VANGL1: variants seen among roughly 807,000 people sequenced by gnomAD.
VANGL1 encodes VANGL planar cell polarity protein 1.
VANGL1 carries 18 observed loss-of-function variants against 48.4 expected under a neutral mutation model. That is an observed-to-expected ratio of 0.37 (90% CI 0.26 to 0.55). The LOEUF (loss-of-function observed/expected upper bound fraction) is 0.55, where lower values mean the gene tolerates loss of function less well. Ranked by LOEUF, VANGL1 falls within the 20% of genes least tolerant of loss-of-function variation. The pLI is 0.81. For missense variants in VANGL1, 667 were observed against 675.8 expected, an observed-to-expected ratio of 0.99 and a Z score of 0.14; for synonymous variants, 257 against 261.8, an observed-to-expected ratio of 0.98 and a Z score of 0.18.
rs185427765 is a variant in VANGL1 at position 115,675,714 on chromosome 1, C to G, written c.813-6650C>G. ...TTTGAGGCAGGAGAATTGCTCGGACCTGGGAGACAGAGGTTGCAGTGAGCT... is the reference window on the plus strand; with the variant it reads ...TTTGAGGCAGGAGAATTGCTCGGACGTGGGAGACAGAGGTTGCAGTGAGCT... On this transcript the variant is annotated intron_variant, in intron 4 of 7. Transcript: ENST00000355485. Among the ~76,000 whole-genome samples the G allele has an allele frequency of 2.5e-3, 378 of 152,288 alleles. 2 individuals are homozygous for G. The highest frequency in any genetic ancestry group is 8.3e-3 in the African/African-American group (346 of 41,558).
At chr1:115,666,292 T>C (rs1394921260) in intron 4 of VANGL1, among the ~76,000 whole-genome samples, 1 of 152,130 alleles carries the variant, frequency 6.6e-6, no homozygotes, top group Non-Finnish European at 1.5e-5. Flanking sequence ...TGGGACCGAC[T>C]TACCCCCATG....
intron 2 of VANGL1, among the ~76,000 whole-genome samples, chr1:115,657,332 G>A (rs1392328432): frequency 6.6e-6 from 1 of 152,156 alleles, no homozygotes; most frequent in South Asian, 2.1e-4. Flanking sequence ...TCAACACGGT[G>A]CACCATAGTA....
Position 115,693,154 on chromosome 1 carries a change from A to G in VANGL1, c.*1775A>G, listed in dbSNP as rs1284382920. The G allele has an allele frequency of 6.6e-6, 1 of 152,586 alleles. No homozygotes were observed. Among genetic ancestry groups the G allele is most frequent in the African/African-American group, 2.4e-5 (1 of 41,438 alleles). The allele number at this position is 152,586 out of a possible 1,614,324, so 9.5% of individuals were successfully genotyped here. ...TGGAGCCAAGATGTACTATTCAACT[A>G]TGTGTTTCTGTTTATAAAAAACACA... is the stretch of plus-strand genomic sequence containing the variant. On this transcript the variant is annotated 3_prime_UTR_variant, in exon 8 of 8. Transcript: ENST00000355485.
rs187903673 is a variant in VANGL1, at chr1:115,682,597, A to G, written c.946+100A>G. 3.9e-4 allele frequency: 607 copies of G among 1,547,802 alleles called. 3 individuals carry two copies. The African/African-American group carries it at 6.8e-3, about 17-fold the overall frequency. On this transcript the variant is annotated intron_variant, in intron 5 of 7. Transcript: ENST00000355485. ...TTGGTTCGACTTCTTCTCTGGGCCT[A>G]CCTTTATGGTACATTCTTGTTTCAG... is the stretch of plus-strand genomic sequence containing the variant.
At position 115,698,061 on chromosome 1, in the gene VANGL1, G is replaced by A. The variant is rs1654092462; in HGVS notation, c.*6682G>A. Reference sequence around the variant, plus strand: ...TCTTCTCATTGTGATGTCAGTAACAGAGTTAGTGTCTCTGATGGAATAGTG... The same window carrying A: ...TCTTCTCATTGTGATGTCAGTAACAAAGTTAGTGTCTCTGATGGAATAGTG... On this transcript the variant is annotated 3_prime_UTR_variant, in exon 8 of 8. Transcript: ENST00000355485. The A allele has an allele frequency of 6.6e-6, 1 of 152,220 alleles. No individual in the cohort carries two copies. The highest frequency in any genetic ancestry group is 2.4e-5 in the African/African-American group (1 of 41,458). The allele number at this position is 152,220 out of a possible 1,614,324, so 9.4% of individuals were successfully genotyped here.
chr1:115,663,226 C>T (rs1383668303), intron 3 of VANGL1, among the ~76,000 whole-genome samples: 5 of 152,176 alleles, frequency 3.3e-5, no homozygotes, highest in Non-Finnish European at 5.9e-5. Flanking sequence ...AGTTGGACTT[C>T]GTAAGCCTTT....
intron 5 of VANGL1, 99 bp downstream of exon 5, chr1:115,682,596 T>A: frequency 6.5e-7 from 1 of 1,529,742 alleles, no homozygotes; most frequent in South Asian, 1.1e-5. Context: ...TCTCTGGGCC[T>A]ACCTTTATGG....
intron 7 of VANGL1, among the ~76,000 whole-genome samples, chr1:115,688,891 A>G (rs1336080986): frequency 2.3e-5 from 3 of 132,288 alleles, no homozygotes; most frequent in East Asian, 2.1e-4. Context: ...CCGGGTTCAC[A>G]CCATTCTCCT....
intron 4 of VANGL1, among the ~76,000 whole-genome samples, chr1:115,678,750 G>A (rs980712675): frequency 6.6e-6 from 1 of 152,040 alleles, no homozygotes; most frequent in African/African-American, 2.4e-5. Flanking sequence ...GAGCTCAGGA[G>A]TTCAAGACCA....
At chr1:115,685,133 C>A (rs903174628) in intron 6 of VANGL1, among the ~76,000 whole-genome samples, 160 bp from the exon 7 acceptor site, 1 of 152,190 alleles carries the variant, frequency 6.6e-6, no homozygotes, top group Admixed American at 6.5e-5. Context: ...CTCCCTTCCT[C>A]CCTCTCCACT....
intron 2 of VANGL1, among the ~76,000 whole-genome samples, chr1:115,651,753 A>G (rs1652154334): frequency 6.6e-6 from 1 of 151,572 alleles, no homozygotes; most frequent in African/African-American, 2.4e-5. Context: ...TTTCATTTCT[A>G]GGTATTTCTT....
At chr1:115,649,780 TCTAC>T (rs1214290582) in intron 1 of VANGL1, among the ~76,000 whole-genome samples, 1 of 152,234 alleles carries the variant, frequency 6.6e-6, no homozygotes. Flanking sequence ...TATTTTCAGA[TCTAC>T]CTGTGAGGTC....
At chr1:115,653,924 CTA>C (rs1162079955) in intron 2 of VANGL1, among the ~76,000 whole-genome samples, 2 of 152,134 alleles carry the variant, frequency 1.3e-5, no homozygotes, top group African/African-American at 4.8e-5. Flanking sequence ...CCACTACCAC[CTA>C]CGGGTGGTGG....
chr1:115,652,599 T>C lies in VANGL1; in HGVS notation c.71+1115T>C, dbSNP rs149102832. ...TAATGGCCTTGGCATTTCAGCACTA[T>C]GTTCCAAGGTATCAACTGGCCCCAG... On this transcript the variant is annotated intron_variant, in intron 2 of 7. Coordinates refer to ENST00000355485, the MANE Select transcript of VANGL1 (RefSeq NM_138959.3). Among the ~76,000 whole-genome samples the C allele has an allele frequency of 8.7e-3, 1,326 of 152,344 alleles. 25 individuals are homozygous for C. The highest frequency in any genetic ancestry group is 0.03 in the African/African-American group (1,267 of 41,570).
intron 4 of VANGL1, among the ~76,000 whole-genome samples, chr1:115,666,771 G>A (rs1043932428): frequency 6.6e-6 from 1 of 152,162 alleles, no homozygotes; most frequent in Non-Finnish European, 1.5e-5. Flanking sequence ...CCTGAGTTAG[G>A]AGGTGGAAAG....
chr1:115,686,327 G>C (rs1018288938), intron 7 of VANGL1, among the ~76,000 whole-genome samples: 1 of 132,748 alleles, frequency 7.5e-6, no homozygotes, highest in African/African-American at 2.9e-5. Context: ...AGCCAAGATC[G>C]CACCACTGCA....
chr1:115,657,042 G>C (rs1482666995), intron 2 of VANGL1, among the ~76,000 whole-genome samples: 1 of 152,242 alleles, frequency 6.6e-6, no homozygotes, highest in Non-Finnish European at 1.5e-5. Context: ...TGGAGCAGCA[G>C]TTCTAGACTA....
In VANGL1 at chr1:115,641,975, A is replaced by AGCGGCG. The variant is rs886045116; in HGVS notation, c.-238_-233dup. 1.3e-5 allele frequency: 2 copies of AGCGGCG among 151,184 alleles called. No individual in the cohort carries two copies. Among genetic ancestry groups the AGCGGCG allele is most frequent in the Admixed American group, 6.6e-5 (1 of 15,132 alleles). 9.4% of individuals were successfully genotyped at this position (151,184 alleles called of 1,614,324 possible). On this transcript the variant is annotated 5_prime_UTR_variant, in exon 1 of 8. Transcript: ENST00000355485. ...GACAGGAAGCGGAAAGCAGCAGTGC[A>AGCGGCG]GCGGCGGCGGCGGCGGGGCTCTGCC...
At chr1:115,684,812 G>A (rs1034931417) in intron 6 of VANGL1, among the ~76,000 whole-genome samples, 4 of 152,280 alleles carry the variant, frequency 2.6e-5, no homozygotes, top group Non-Finnish European at 4.4e-5. Context: ...CATGTGTGCT[G>A]TGCCTCTTCC....
Sources: gnomAD v4.1 joint callset for allele counts (sites outside exome capture counted in the v4.1 genomes callset) on GRCh38, gnomAD v4.1.1 for gene constraint, MANE v1.5 for transcripts, NCBI Gene and HGNC (gene_info 2026-07-23, HGNC 2026-07-21) for gene names.